DOCK11: variants seen among roughly 807,000 people sequenced by gnomAD.
DOCK11 encodes dedicator of cytokinesis protein 11.
Under a neutral mutation model 169.1 loss-of-function variants are expected in DOCK11, and 70 were observed. That is an observed-to-expected ratio of 0.41 (90% CI 0.34 to 0.51). DOCK11 has a LOEUF of 0.51. Among genes scored for constraint, DOCK11 ranks in the 20% least tolerant of loss-of-function variants. DOCK11 has a pLI of 0.10. For synonymous variants in DOCK11, 529 were observed against 541.3 expected (o/e 0.98, Z 0.32); for missense variants, 1,166 against 1,538.8 (o/e 0.76, Z 4.05).
intron 6 of DOCK11, among the ~76,000 whole-genome samples, chrX:118,548,535 A>G (rs2012367682): frequency 9.0e-6 from 1 of 111,579 alleles, no homozygotes; most frequent in Admixed American, 9.5e-5. Context: ...AGTCAGGGAA[A>G]GAGATGTAAG....
intron 1 of DOCK11, among the ~76,000 whole-genome samples, chrX:118,529,316 G>A (rs746927582): frequency 1.8e-5 from 2 of 112,221 alleles, no homozygotes; most frequent in African/African-American, 3.2e-5. Context: ...GCATTTCTTC[G>A]TGGGGTGCCT....
intron 46 of DOCK11, among the ~76,000 whole-genome samples, chrX:118,672,471 G>C (rs763429146): frequency 1.3e-4 from 14 of 111,488 alleles, no homozygotes; most frequent in East Asian, 8.4e-4. Flanking sequence ...CTTGCTCTTT[G>C]GCCCAGGCCG....
Position 118,639,519 on chromosome X carries a change from A to G in DOCK11, c.4086A>G (p.Val1362=). The G allele has an allele frequency of 8.3e-7, 1 of 1,211,109 alleles. No homozygotes were observed. The highest frequency in any genetic ancestry group is 1.1e-6 in the Non-Finnish European group (1 of 895,014). The change falls in exon 38 of 53, where the codon GTA becomes GTG. Residue 1362 remains valine (V), a synonymous_variant. Transcript: ENST00000276202. ...TMPALRNRSG[V]MQARLQHLSS... ...CTGCTCTTCGAAACAGATCAGGAGT[A>G]ATGCAGGCCCGGCTTCAGCATCTTA... is the stretch of plus-strand genomic sequence containing the variant.
chrX:118,503,885 G>A (rs1226515831), intron 1 of DOCK11, among the ~76,000 whole-genome samples: 2 of 111,357 alleles, frequency 1.8e-5, no homozygotes, highest in Non-Finnish European at 3.8e-5. Flanking sequence ...CAGACTTCCA[G>A]TTAGAATGGG....
intron 24 of DOCK11, among the ~76,000 whole-genome samples, chrX:118,605,778 T>G (rs918753006): frequency 8.9e-5 from 10 of 112,208 alleles, no homozygotes; most frequent in Non-Finnish European, 1.5e-4. Flanking sequence ...TGTATATGTC[T>G]GTTAGGTCTA....
In DOCK11 at chrX:118,531,389, G is replaced by A. The variant is rs748067591; in HGVS notation, c.103-11336G>A. Among the ~76,000 whole-genome samples, 336 of 76,884 alleles carry A rather than the reference G, an allele frequency of 4.4e-3. 3 individuals are homozygous for A. The highest frequency in any genetic ancestry group is 0.017 in the African/African-American group (326 of 19,236). The allele number at this position is 76,884 out of a possible 115,157, so 66.8% of individuals were successfully genotyped here. On this transcript the variant is annotated intron_variant, in intron 1 of 52. Coordinates refer to ENST00000276202, the MANE Select transcript of DOCK11 (RefSeq NM_144658.4). ...AGGATCCCTTAAGCCCAGGAGGTTCGGGGCTGCAGTGAGCCATATACTCAA... is the reference window on the plus strand; with the variant it reads ...AGGATCCCTTAAGCCCAGGAGGTTCAGGGCTGCAGTGAGCCATATACTCAA...
Position 118,525,395 on chromosome X carries a change from CATT to C in DOCK11, c.103-17327_103-17325del, listed in dbSNP as rs1351691739. On this transcript the variant is annotated intron_variant, in intron 1 of 52. Coordinates refer to ENST00000276202, the MANE Select transcript of DOCK11 (RefSeq NM_144658.4). Reference sequence around the variant, plus strand: ...CTACAATATGCATGAAGCTTGAGGACATTATACTAAGTGAAAGAAGCCAGTCAC... The same window carrying C: ...CTACAATATGCATGAAGCTTGAGGACATACTAAGTGAAAGAAGCCAGTCAC... Among the ~76,000 whole-genome samples the C allele has an allele frequency of 4.5e-5, 5 of 111,417 alleles. 1 individual carries two copies. Among genetic ancestry groups the C allele is most frequent in the African/African-American group, 1.6e-4 (5 of 30,612 alleles).
chrX:118,543,425 C>T (rs2012107539), intron 3 of DOCK11, 86 bp from the exon 4 acceptor site: 3 of 758,625 alleles, frequency 4.0e-6, no homozygotes, highest in South Asian at 4.9e-5. Context: ...TTTAGAAAGC[C>T]TGTCGGCATA....
At chrX:118,685,663 A>G (rs941879725) in intron 52 of DOCK11, 25 bp from the exon 53 acceptor site, 1 of 1,198,277 alleles carries the variant, frequency 8.3e-7, no homozygotes, top group Non-Finnish European at 1.1e-6. Flanking sequence ...CTTCATGATA[A>G]TCATGCTGAT....
In DOCK11 at chrX:118,657,754, T is replaced by C. The variant is rs142696887; in HGVS notation, c.4969+2793T>C. ...ACTCAGGAATGGAAACCAAATATTG[T>C]ATGTTCTTGCTTATAAGTGGGAGCT... On this transcript the variant is annotated intron_variant, in intron 44 of 52. Coordinates refer to ENST00000276202, the MANE Select transcript of DOCK11 (RefSeq NM_144658.4). 3.4e-3 allele frequency among the ~76,000 whole-genome samples: 376 copies of C among 111,451 alleles called. 3 individuals carry two copies. Among genetic ancestry groups the C allele is most frequent in the African/African-American group, 0.011 (347 of 30,708 alleles).
chrX:118,663,416 A>G (rs2016265289), intron 45 of DOCK11, among the ~76,000 whole-genome samples: 1 of 111,861 alleles, frequency 8.9e-6, no homozygotes, highest in Admixed American at 9.5e-5. Flanking sequence ...GAGCTCAGGT[A>G]AAATAAAGGA....
At chrX:118,570,436 C>A (rs2147388305) in intron 10 of DOCK11, among the ~76,000 whole-genome samples, 1 of 112,165 alleles carries the variant, frequency 8.9e-6, no homozygotes, top group Non-Finnish European at 1.9e-5. Context: ...GACTTGCCTC[C>A]ACAGATGGAT....
chrX:118,501,196 C>G (rs930157993), intron 1 of DOCK11, among the ~76,000 whole-genome samples: 1 of 111,269 alleles, frequency 9.0e-6, no homozygotes, highest in Non-Finnish European at 1.9e-5. Context: ...TAAAAATAAT[C>G]ATATCCAGGC....
intron 20 of DOCK11, 50 bp from the exon 21 acceptor site, chrX:118,597,381 C>T (rs760010219): frequency 8.3e-7 from 1 of 1,203,208 alleles, no homozygotes; most frequent in African/African-American, 1.8e-5. Flanking sequence ...ATTTGTGTAG[C>T]TGATTGCATT....
intron 12 of DOCK11, among the ~76,000 whole-genome samples, chrX:118,575,952 C>T (rs891619140): frequency 1.8e-5 from 2 of 111,352 alleles, no homozygotes; most frequent in African/African-American, 6.5e-5. Flanking sequence ...TCCTGTGTGC[C>T]AACATTATTC....
intron 1 of DOCK11, among the ~76,000 whole-genome samples, chrX:118,510,143 A>G (rs931246951): frequency 3.6e-5 from 4 of 112,089 alleles, no homozygotes; most frequent in African/African-American, 9.8e-5. Flanking sequence ...AGATGTGGCC[A>G]TCATTGAGGA....
At chrX:118,610,158 A>G (rs1441338980) in intron 27 of DOCK11, 114 bp from the exon 28 acceptor site, 3 of 749,697 alleles carry the variant, frequency 4.0e-6, no homozygotes, top group African/African-American at 2.1e-5. Flanking sequence ...TGGGAGAACA[A>G]TTATACATCA....
intron 6 of DOCK11, among the ~76,000 whole-genome samples, chrX:118,559,910 A>G (rs1487991948): frequency 9.1e-6 from 1 of 110,386 alleles, no homozygotes; most frequent in Non-Finnish European, 1.9e-5. Flanking sequence ...ATATAAATAT[A>G]CCCACACATT....
chrX:118,577,756 A>T (rs1457061576), intron 12 of DOCK11, among the ~76,000 whole-genome samples: 1 of 111,918 alleles, frequency 8.9e-6, no homozygotes, highest in African/African-American at 3.3e-5. Context: ...ACTGGAAATC[A>T]CTATATTAAC....
Sources: allele counts gnomAD v4.1 joint callset (sites outside exome capture counted in the v4.1 genomes callset), GRCh38; gene constraint gnomAD v4.1.1; transcripts MANE v1.5; gene names NCBI Gene and HGNC (gene_info 2026-07-23, HGNC 2026-07-21).